Variants in ZDHHC1 observed in about 807,000 individuals in gnomAD.
The protein encoded by ZDHHC1 is zDHHC palmitoyltransferase 1.
A neutral mutation model predicts 46.9 loss-of-function variants in ZDHHC1; 45 were observed. The observed-to-expected ratio is 0.96, with a 90% CI of 0.76 to 1.23. ZDHHC1 has a LOEUF of 1.23. ZDHHC1 is among the 50% of genes most tolerant of loss of function. The probability of loss-of-function intolerance (pLI) is 0.00; values close to 1 mark genes in which losing one functional copy is unlikely to be tolerated. For synonymous variants in ZDHHC1, 291 were observed against 286.0 expected (o/e 1.02, Z -0.18); for missense variants, 649 against 670.8 (o/e 0.97, Z 0.36).
intron 1 of ZDHHC1, among the ~76,000 whole-genome samples, chr16:67,410,669 A>ATTC (rs1335109326): frequency 6.7e-6 from 1 of 149,252 alleles, no homozygotes; most frequent in African/African-American, 2.4e-5. Flanking sequence ...TATTATTATT[A>ATTC]TTATTGTTAT....
chr16:67,413,769 T>A (rs1385034535), intron 1 of ZDHHC1, among the ~76,000 whole-genome samples: 2 of 150,200 alleles, frequency 1.3e-5, no homozygotes, highest in Admixed American at 6.6e-5. Context: ...GTGAAACCCG[T>A]CTCTACTAAA....
chr16:67,395,702 C>A (rs571178204), intron 8 of ZDHHC1, 136 bp from the exon 9 acceptor site: 1 of 847,544 alleles, frequency 1.2e-6, no homozygotes, highest in Non-Finnish European at 1.8e-6. Context: ...CCCAGCCATG[C>A]TGGGAAAACC....
At position 67,401,752 on chromosome 16, in the gene ZDHHC1, G is replaced by T. The variant is rs2040556834; in HGVS notation, c.253-620C>A. 6.6e-6 allele frequency among the ~76,000 whole-genome samples: 1 copy of T among 152,230 alleles called. No individual in the cohort carries two copies. The highest frequency in any genetic ancestry group is 2.4e-5 in the African/African-American group (1 of 41,450). ...CATGTTCAGGGCCTGGCCAGGGACA[G>T]CATGGCTAGTCTCTGAAGCTGAAAC... On this transcript the variant is annotated intron_variant, in intron 3 of 11. Transcript: ENST00000565726. The surrounding 1 kb of genome is among the most constrained non-coding windows in gnomAD (Gnocchi z 4.6).
rs577357063 is a variant in ZDHHC1 at position 67,410,536 on chromosome 16, C to T, written c.-38-2723G>A. Among the ~76,000 whole-genome samples, 52 of 152,256 alleles carry T rather than the reference C, an allele frequency of 3.4e-4. No homozygotes were observed. The South Asian group carries it at 6.0e-3, about 18-fold the overall frequency. ...GCTGTGGAGGCCCCTCCCTTATCCC[C>T]CACAAGGTGAAAGCCATTGGCAGGA... On this transcript the variant is annotated intron_variant, in intron 1 of 11. Coordinates refer to ENST00000565726, the MANE Select transcript of ZDHHC1 (RefSeq NM_001323627.2).
At chr16:67,398,181 CAGG>C in intron 8 of ZDHHC1, 28 bp downstream of exon 8, 1 of 1,603,328 alleles carries the variant, frequency 6.2e-7, no homozygotes, top group Non-Finnish European at 8.5e-7. Flanking sequence ...CCCCCACACC[CAGG>C]CCCCCTCCCA....
At chr16:67,413,916 G>A (rs1407793410) in intron 1 of ZDHHC1, among the ~76,000 whole-genome samples, 1 of 140,680 alleles carries the variant, frequency 7.1e-6, no homozygotes, top group Non-Finnish European at 1.5e-5. Context: ...TCCAGACTGG[G>A]CAACAGAGCG....
chr16:67,412,347 T>A (rs1016974520), intron 1 of ZDHHC1, among the ~76,000 whole-genome samples: 3 of 151,760 alleles, frequency 2.0e-5, no homozygotes, highest in Middle Eastern at 3.4e-3. Context: ...AAAAAAAGTA[T>A]GTCTAATAAT....
Position 67,394,795 on chromosome 16 carries a change from ACGC to A in ZDHHC1, c.1261_1263del (p.Ala421del). ...GGAATCTCGTCCACGGACTCTGCCG[ACGC>A]CGAGTGGTAGGCGCCGGCAGGGCCA... On this transcript the variant is annotated inframe_deletion, in exon 12 of 12. Transcript: ENST00000565726. The A allele has an allele frequency of 4.6e-6, 7 of 1,535,690 alleles. No individual in the cohort carries two copies. In the South Asian group the frequency reaches 6.0e-5, roughly 13 times the overall value.
intron 7 of ZDHHC1, 56 bp from the exon 8 acceptor site, chr16:67,398,380 A>G: frequency 5.1e-6 from 8 of 1,572,320 alleles, no homozygotes; most frequent in Non-Finnish European, 6.9e-6. Context: ...GGAGCTCAGA[A>G]CAGGAGGGAG....
In ZDHHC1 at chr16:67,406,451, G is replaced by C; in HGVS notation, c.10-9C>G. 1 of 1,517,596 alleles carries C rather than the reference G, an allele frequency of 6.6e-7. No homozygotes were observed. 94.0% of individuals were successfully genotyped at this position (1,517,596 alleles called of 1,614,324 possible). A position where few individuals can be genotyped will look rare whatever the true frequency, so the allele number is the denominator to read the frequency against. On this transcript the variant is annotated splice_polypyrimidine_tract_variant and intron_variant, in intron 2 of 11. Transcript: ENST00000565726. The surrounding 1 kb of genome is among the most constrained non-coding windows in gnomAD (Gnocchi z 4.1). Reference sequence around the variant, plus strand: ...TTGTTGCAGATGTTCATCTCCAGAGGGAGAAACAGTAGAGAGAGCATTAGC... The same window carrying C: ...TTGTTGCAGATGTTCATCTCCAGAGCGAGAAACAGTAGAGAGAGCATTAGC...
intron 1 of ZDHHC1, among the ~76,000 whole-genome samples, chr16:67,414,500 T>C (rs1057417411): frequency 3.3e-5 from 5 of 152,224 alleles, no homozygotes; most frequent in African/African-American, 1.2e-4. Flanking sequence ...AGCATCGCTC[T>C]CCTACAGTGT....
In ZDHHC1 at chr16:67,406,334, G is replaced by T; in HGVS notation, c.118C>A (p.Arg40Ser). ...PSPELQGQRS[R>S]RNGWSWPPHP... ...GGGGGCCAGCTCCACCCATTCCGGC[G>T]GGATCGCTGGCCCTGCAGCTCAGGG... is the stretch of plus-strand genomic sequence containing the variant. Residue 40 changes from arginine (R) to serine (S), a missense_variant, in exon 3 of 12, where the codon CGC (arginine) becomes AGC (serine). Arg to Ser is a moderately radical substitution (Grantham distance 110, BLOSUM62 -1). Coordinates refer to ENST00000565726, the MANE Select transcript of ZDHHC1 (RefSeq NM_001323627.2). This position sits in a 1 kb window ranked among gnomAD's most constrained non-coding sequence, Gnocchi z 4.1. 6.3e-7 allele frequency: 1 copy of T among 1,595,038 alleles called. No homozygotes were observed. Among genetic ancestry groups the T allele is most frequent in the East Asian group, 2.3e-5 (1 of 44,184 alleles).
At position 67,394,629 on chromosome 16, in the gene ZDHHC1, C is replaced by T. The variant is rs1347627930; in HGVS notation, c.1430G>A (p.Arg477Gln). The change falls in exon 12 of 12, where the codon CGG becomes CAG. Residue 477 changes from arginine (R) to glutamine (Q), a missense_variant. By Grantham distance (43) the Arg-to-Gln change is conservative. Transcript: ENST00000565726. Reference protein sequence around the residue: ...SSGEPRAPGGREAGLA With the variant: ...SSGEPRAPGGQEAGLA ...GCCCAGCTAAGCCAGACCAGCCTCC[C>T]GGCCGCCCGGCGCCCTGGGCTCGCC... 2.5e-6 allele frequency: 3 copies of T among 1,197,818 alleles called. No homozygotes were observed. Among genetic ancestry groups the T allele is most frequent in the African/African-American group, 3.2e-5 (2 of 62,312 alleles). The allele number at this position is 1,197,818 out of a possible 1,614,324, so 74.2% of individuals were successfully genotyped here. A position where few individuals can be genotyped will look rare whatever the true frequency, so the allele number is the denominator to read the frequency against.
intron 2 of ZDHHC1, among the ~76,000 whole-genome samples, chr16:67,407,104 C>G (rs1253676884): frequency 1.3e-5 from 2 of 152,222 alleles, no homozygotes; most frequent in Admixed American, 1.3e-4. Flanking sequence ...CTAAGTAAAT[C>G]TGGGCCTGGT....
chr16:67,400,286 C>A (rs929509937), intron 4 of ZDHHC1, among the ~76,000 whole-genome samples: 1 of 152,248 alleles, frequency 6.6e-6, no homozygotes, highest in African/African-American at 2.4e-5. Context: ...CCTGATCCCC[C>A]ACCCGAGACC....
At chr16:67,403,615 G>GTT (rs549234682) in intron 3 of ZDHHC1, among the ~76,000 whole-genome samples, 3 of 143,824 alleles carry the variant, frequency 2.1e-5, no homozygotes, top group Admixed American at 6.9e-5. Flanking sequence ...TTTGTTTTTT[G>GTT]TTTTTTTTTT....
Position 67,394,852 on chromosome 16 carries a change from A to G in ZDHHC1, c.1207T>C (p.Ser403Pro), listed in dbSNP as rs889838774. ...PSRRSSSSTD[S>P]ADASPVHAAG... ...GCGTGCACAGGGCTGGCGTCCGCGG[A>G]ATCCGTCGACGAGCTGGAGCGGCGG... The change falls in exon 12 of 12, where the codon TCC becomes CCC. Residue 403 changes from serine to proline, a missense_variant. By Grantham distance (74) the Ser-to-Pro change is moderately conservative. Coordinates refer to ENST00000565726, the MANE Select transcript of ZDHHC1 (RefSeq NM_001323627.2). 5 of 1,560,868 alleles carry G rather than the reference A, an allele frequency of 3.2e-6. No individual in the cohort carries two copies. Among genetic ancestry groups the G allele is most frequent in the Non-Finnish European group, 4.3e-6 (5 of 1,156,256 alleles).
In ZDHHC1 at chr16:67,408,167, G is replaced by GT. The variant is rs1207637091; in HGVS notation, c.-38-355dup. Among the ~76,000 whole-genome samples the GT allele has an allele frequency of 1.7e-3, 248 of 147,974 alleles. 1 individual carries two copies. Among genetic ancestry groups the GT allele is most frequent in the Non-Finnish European group, 2.4e-3 (160 of 66,612 alleles). On this transcript the variant is annotated intron_variant, in intron 1 of 11. Transcript: ENST00000565726. ...GTGGTATTTGGGTTTTGGGTTTAGGGTTTTTTTTTTTCTTCTGAGACAGGA... is the reference window on the plus strand; with the variant it reads ...GTGGTATTTGGGTTTTGGGTTTAGGGTTTTTTTTTTTTCTTCTGAGACAGGA...
At chr16:67,405,694 CT>C (rs1223369241) in intron 3 of ZDHHC1, among the ~76,000 whole-genome samples, 1 of 152,202 alleles carries the variant, frequency 6.6e-6, no homozygotes, top group Non-Finnish European at 1.5e-5. Context: ...CTAAAAGGGT[CT>C]GATGTACAGA....
Sources: allele counts gnomAD v4.1 joint callset (sites outside exome capture counted in the v4.1 genomes callset), GRCh38; gene constraint gnomAD v4.1.1; non-coding constraint Gnocchi (gnomAD v3.1); transcripts MANE v1.5; gene names NCBI Gene and HGNC (gene_info 2026-07-23, HGNC 2026-07-21).